WDR47: variants seen among roughly 807,000 people sequenced by gnomAD.
The protein encoded by WDR47 is WD repeat-containing protein 47.
A neutral mutation model predicts 97.2 loss-of-function variants in WDR47; 32 were observed. The observed-to-expected ratio is 0.33, with a 90% CI of 0.25 to 0.44. The LOEUF (loss-of-function observed/expected upper bound fraction) is 0.44. Among genes scored for constraint, WDR47 ranks in the 20% least tolerant of loss-of-function variants. The probability of loss-of-function intolerance (pLI) is 1.00; values close to 1 mark genes in which losing one functional copy is unlikely to be tolerated. For missense variants in WDR47, 782 were observed against 1,102.3 expected, an observed-to-expected ratio of 0.71 and a Z score of 4.11; for synonymous variants, 375 against 373.5, an observed-to-expected ratio of 1.00 and a Z score of -0.05.
intron 2 of WDR47, 26 bp from the exon 3 acceptor site, chr1:109,017,627 G>T (rs201808429): frequency 6.3e-7 from 1 of 1,579,904 alleles, no homozygotes; most frequent in Non-Finnish European, 8.6e-7. Context: ...AAAAAAACCA[G>T]CATGTCACCA....
At chr1:108,972,015 G>A (rs1489312830) in intron 14 of WDR47, among the ~76,000 whole-genome samples, 1 of 151,898 alleles carries the variant, frequency 6.6e-6, no homozygotes, top group Non-Finnish European at 1.5e-5. Flanking sequence ...CTCCAATCTT[G>A]GTTCTCATCT....
intron 12 of WDR47, among the ~76,000 whole-genome samples, chr1:108,982,385 T>G (rs1277630171): frequency 6.6e-6 from 1 of 151,300 alleles, no homozygotes; most frequent in East Asian, 2.0e-4. Context: ...AATTTTAAAC[T>G]ATCCAAGCAT....
chr1:108,995,140 T>C (rs998607054), intron 8 of WDR47, among the ~76,000 whole-genome samples: 3 of 152,244 alleles, frequency 2.0e-5, no homozygotes, highest in Non-Finnish European at 4.4e-5. Flanking sequence ...AATGTAAATA[T>C]GCAGTCTTCC....
At chr1:109,006,039 C>A (rs1660587260) in intron 5 of WDR47, among the ~76,000 whole-genome samples, 1 of 152,028 alleles carries the variant, frequency 6.6e-6, no homozygotes, top group Admixed American at 6.6e-5. Context: ...GTTTTGTTAT[C>A]TAAACATTAT....
chr1:109,001,883 C>A (rs1397597890), intron 7 of WDR47, among the ~76,000 whole-genome samples: 1 of 150,178 alleles, frequency 6.7e-6, no homozygotes, highest in Admixed American at 6.6e-5. Context: ...AGAGTGAGAG[C>A]CTTGCCTCAA....
In WDR47 at chr1:109,029,314, G is replaced by C. The variant is rs1662450867; in HGVS notation, c.-9-5793C>G. On this transcript the variant is annotated intron_variant, in intron 1 of 14. Coordinates refer to ENST00000369962, the MANE Select transcript of WDR47 (RefSeq NM_001142551.2). ...CCGAGGCAGGTGGATCACGAGGTCA[G>C]GAGTTCAAGACCAGCCTGGCCGAGA... is the stretch of plus-strand genomic sequence containing the variant. Among the ~76,000 whole-genome samples the C allele has an allele frequency of 2.0e-5, 3 of 152,156 alleles. No homozygotes were observed. In the South Asian group the frequency reaches 6.2e-4, roughly 32 times the overall value.
At chr1:108,972,824 G>A (rs1451798829) in intron 14 of WDR47, among the ~76,000 whole-genome samples, 1 of 151,978 alleles carries the variant, frequency 6.6e-6, no homozygotes, top group African/African-American at 2.4e-5. Flanking sequence ...GCGGGCGCCT[G>A]TAGTTCCAGC....
chr1:108,999,198 G>A (rs337300), intron 7 of WDR47, among the ~76,000 whole-genome samples: 29,477 of 150,718 alleles, frequency 0.2, 3,103 homozygotes, highest in Admixed American at 0.27. Context: ...CTGCACTCCA[G>A]CCTGGGCAAC....
At chr1:108,994,428 A>G (rs1177678143) in intron 8 of WDR47, among the ~76,000 whole-genome samples, 1 of 152,026 alleles carries the variant, frequency 6.6e-6, no homozygotes, top group Non-Finnish European at 1.5e-5. Context: ...TAATAGAAGT[A>G]TGTTTTTCAG....
At chr1:108,995,427 G>A (rs1659671010) in intron 8 of WDR47, among the ~76,000 whole-genome samples, 153 bp downstream of exon 8, 2 of 152,134 alleles carry the variant, frequency 1.3e-5, no homozygotes, top group Admixed American at 1.3e-4. Context: ...GTTGGTAGAA[G>A]AGAATATAGA....
At chr1:109,027,207 T>C (rs1188254525) in intron 1 of WDR47, among the ~76,000 whole-genome samples, 2 of 151,594 alleles carry the variant, frequency 1.3e-5, no homozygotes, top group Non-Finnish European at 2.9e-5. Context: ...GGCGTGCACT[T>C]ACACAACCGG....
intron 9 of WDR47, among the ~76,000 whole-genome samples, chr1:108,990,603 G>A (rs1659252398): frequency 6.6e-6 from 1 of 151,984 alleles, no homozygotes; most frequent in African/African-American, 2.4e-5. Context: ...TCATAAAAAT[G>A]GTCAATTTTA....
chr1:108,979,614 G>C (rs1294616016), intron 13 of WDR47, among the ~76,000 whole-genome samples: 1 of 152,098 alleles, frequency 6.6e-6, no homozygotes, highest in Non-Finnish European at 1.5e-5. Flanking sequence ...GAGTTGGAAA[G>C]GCACATGAAA....
chr1:108,997,855 ATCAGTT>A (rs1659881338), intron 7 of WDR47, among the ~76,000 whole-genome samples: 1 of 152,072 alleles, frequency 6.6e-6, no homozygotes, highest in South Asian at 2.1e-4. Flanking sequence ...CTAACCCAGC[ATCAGTT>A]TCTCCAGCTG....
intron 7 of WDR47, among the ~76,000 whole-genome samples, chr1:108,998,294 G>A (rs1263824360): frequency 1.1e-4 from 17 of 152,058 alleles, no homozygotes; most frequent in Admixed American, 1.1e-3. Context: ...CCTGAGGTAG[G>A]GAGTTTGAGA....
At position 109,018,130 on chromosome 1, in the gene WDR47, T is replaced by C. The variant is rs181553069; in HGVS notation, c.159-529A>G. Among the ~76,000 whole-genome samples the C allele has an allele frequency of 1.4e-3, 207 of 152,152 alleles. 1 individual carries two copies. In the Middle Eastern group the frequency reaches 0.014, roughly 10 times the overall value. On this transcript the variant is annotated intron_variant, in intron 2 of 14. Transcript: ENST00000369962. ...TCTGCAACCACTCATACTAACTATA[T>C]ATATGTGGGTTTTGACCTATGTAAA... is the stretch of plus-strand genomic sequence containing the variant.
rs759592678 is a variant in WDR47, at chr1:109,004,710, G to T, written c.1136C>A (p.Thr379Lys). The T allele has an allele frequency of 7.5e-6, 12 of 1,592,780 alleles. No homozygotes were observed. In the African/African-American group the frequency reaches 1.2e-4, roughly 16 times the overall value. The change falls in exon 6 of 15, where the codon ACA (threonine) becomes AAA (lysine). Residue 379 changes from threonine (T) to lysine (K), a missense_variant. Coordinates refer to ENST00000369962, the MANE Select transcript of WDR47 (RefSeq NM_001142551.2). The part of the protein sequence containing the change: ...SIYEESPERD[T>K]PVDAQRPIGS... ...GATAGGCCTCTGTGCATCAACAGGT[G>T]TATCACTTCTTCCAGAAACGTGCAA... is the stretch of plus-strand genomic sequence containing the variant.
chr1:109,010,846 T>G lies in WDR47; in HGVS notation c.1130+70A>C. 3.4e-6 allele frequency: 5 copies of G among 1,457,660 alleles called. No individual in the cohort carries two copies. The South Asian group carries it at 6.6e-5, about 19-fold the overall frequency. The allele number at this position is 1,457,660 out of a possible 1,614,324, so 90.3% of individuals were successfully genotyped here. On this transcript the variant is annotated intron_variant, in intron 5 of 14. Coordinates refer to ENST00000369962, the MANE Select transcript of WDR47 (RefSeq NM_001142551.2). ...ATCCACCCACCTCGGCCTCCCAAAG[T>G]GCTGGGATTACAGGCATAAGCCACT... is the stretch of plus-strand genomic sequence containing the variant.
chr1:109,027,562 C>T (rs1216123285), intron 1 of WDR47, among the ~76,000 whole-genome samples: 1 of 151,790 alleles, frequency 6.6e-6, no homozygotes, highest in Non-Finnish European at 1.5e-5. Context: ...CTTGCTCTGT[C>T]ACCCAGGCAA....
Sources: gnomAD v4.1 joint callset for allele counts (sites outside exome capture counted in the v4.1 genomes callset) on GRCh38, gnomAD v4.1.1 for gene constraint, MANE v1.5 for transcripts, NCBI Gene and HGNC (gene_info 2026-07-23, HGNC 2026-07-21) for gene names.